DLG2: variants seen among roughly 807,000 people sequenced by gnomAD.
DLG2 encodes disks large homolog 2.
Under a neutral mutation model 132.5 loss-of-function variants are expected in DLG2, and 45 were observed. The ratio of observed to expected loss-of-function variants is 0.34; its 90% CI spans 0.27 to 0.44. The LOEUF is 0.44. Ranked by LOEUF, DLG2 falls within the 20% of genes least tolerant of loss-of-function variation. The pLI, the probability that DLG2 is intolerant of heterozygous loss-of-function variation, is 1.00. For missense variants in DLG2, 1,045 were observed against 1,196.9 expected, an observed-to-expected ratio of 0.87 and a Z score of 1.87; for synonymous variants, 424 against 419.6, an observed-to-expected ratio of 1.01 and a Z score of -0.13.
intron 3 of DLG2, among the ~76,000 whole-genome samples, chr11:85,377,926 T>C (rs1483663950): frequency 6.6e-6 from 1 of 151,076 alleles, no homozygotes; most frequent in Non-Finnish European, 1.5e-5. Flanking sequence ...CATATTTCAA[T>C]TCCTCCTTTT....
intron 8 of DLG2, among the ~76,000 whole-genome samples, chr11:84,186,724 T>A (rs2096284122): frequency 6.6e-6 from 1 of 151,978 alleles, no homozygotes; most frequent in Non-Finnish European, 1.5e-5. Context: ...ATAATCAGAA[T>A]GAATGAGAAT....
At chr11:85,259,955 G>A (rs538239038) in intron 4 of DLG2, among the ~76,000 whole-genome samples, 3 of 152,172 alleles carry the variant, frequency 2.0e-5, no homozygotes, top group African/African-American at 7.2e-5. Flanking sequence ...ATAAATGAAT[G>A]AGTAAATGAA....
chr11:83,791,399 C>T (rs1386729223), intron 17 of DLG2: 6 of 673,706 alleles, frequency 8.9e-6, no homozygotes, highest in African/African-American at 1.9e-5. Context: ...CCACCTTTTT[C>T]GTCTTTCCTG....
intron 3 of DLG2, among the ~76,000 whole-genome samples, chr11:85,377,801 A>ATGTG (rs1177394608): frequency 1.8e-3 from 175 of 95,870 alleles, no homozygotes; most frequent in African/African-American, 6.0e-3. Context: ...ATATATATAT[A>ATGTG]TATGTGTGTG....
Position 85,055,228 on chromosome 11 carries a change from G to A in DLG2, c.357+56433C>T, listed in dbSNP as rs539332377. On this transcript the variant is annotated intron_variant, in intron 6 of 27. Transcript: ENST00000376104. The stretch of plus-strand genomic sequence containing the variant: ...GAATACAGATTTTTAAAATTAATGA[G>A]AGAAGAACAAACCAGACAAAGAGAG... Among the ~76,000 whole-genome samples the A allele has an allele frequency of 9.2e-5, 14 of 152,230 alleles. No individual in the cohort carries two copies. In the South Asian group the frequency reaches 2.9e-3, roughly 32 times the overall value.
At chr11:83,699,522 C>T (rs1166876874) in intron 18 of DLG2, among the ~76,000 whole-genome samples, 1 of 150,468 alleles carries the variant, frequency 6.6e-6, no homozygotes, top group African/African-American at 2.4e-5. Flanking sequence ...CAGTGAAGCC[C>T]CGTCTCTACT....
At chr11:85,122,784 T>C (rs2074479224) in intron 5 of DLG2, among the ~76,000 whole-genome samples, 1 of 150,888 alleles carries the variant, frequency 6.6e-6, no homozygotes. Flanking sequence ...CCCTGAAGGA[T>C]TATAACGAGA....
At position 84,101,578 on chromosome 11, in the gene DLG2, G is replaced by A. The variant is rs1227571492; in HGVS notation, c.625-2531C>T. On this transcript the variant is annotated intron_variant, in intron 9 of 27. Coordinates refer to ENST00000376104, the MANE Select transcript of DLG2 (RefSeq NM_001142699.3). Reference sequence around the variant, plus strand: ...GCATCTAGTGATCAGTATATTTCACGTACTGTATAACCTCAACTGCATTGT... The same window carrying A: ...GCATCTAGTGATCAGTATATTTCACATACTGTATAACCTCAACTGCATTGT... Among the ~76,000 whole-genome samples, 16 of 152,144 alleles carry A rather than the reference G, an allele frequency of 1.1e-4. No individual in the cohort carries two copies. The East Asian group carries it at 2.7e-3, about 26-fold the overall frequency.
intron 6 of DLG2, among the ~76,000 whole-genome samples, chr11:84,944,948 T>C (rs1052119451): frequency 2.6e-5 from 4 of 152,244 alleles, no homozygotes; most frequent in Non-Finnish European, 4.4e-5. Flanking sequence ...TTGTGTTCTT[T>C]TGAGTTTCAC....
At chr11:84,558,642 A>G (rs1326463615) in intron 6 of DLG2, among the ~76,000 whole-genome samples, 2 of 151,864 alleles carry the variant, frequency 1.3e-5, no homozygotes, top group Non-Finnish European at 2.9e-5. Context: ...CTTTCTTTAT[A>G]CTTCAAATAC....
chr11:85,240,492 T>C (rs115366817), intron 4 of DLG2, among the ~76,000 whole-genome samples: 118 of 151,960 alleles, frequency 7.8e-4, no homozygotes, highest in African/African-American at 2.7e-3. Context: ...AATCATTCTC[T>C]ACCTCCAATG....
At chr11:84,218,203 G>GAAGGAAGGAAGGAAAGA (rs1286079426) in intron 8 of DLG2, among the ~76,000 whole-genome samples, 2 of 148,152 alleles carry the variant, frequency 1.3e-5, no homozygotes, top group African/African-American at 5.0e-5. Flanking sequence ...AGAAGGAAAG[G>GAAGGAAGGAAGGAAAGA]AAGGAAGGAA....
At chr11:84,051,417 A>T (rs929393061) in intron 11 of DLG2, among the ~76,000 whole-genome samples, 9 of 151,962 alleles carry the variant, frequency 5.9e-5, no homozygotes, top group African/African-American at 2.2e-4. Context: ...AATATGGCAC[A>T]CATACACCAT....
At chr11:84,657,850 C>A (rs142183543) in intron 6 of DLG2, among the ~76,000 whole-genome samples, 1 of 152,190 alleles carries the variant, frequency 6.6e-6, no homozygotes, top group African/African-American at 2.4e-5. Context: ...TATTGTCTAG[C>A]ATTGCAGCAA....
intron 7 of DLG2, among the ~76,000 whole-genome samples, chr11:84,378,609 T>C (rs2098738240): frequency 6.6e-6 from 1 of 151,800 alleles, no homozygotes; most frequent in Admixed American, 6.6e-5. Context: ...GAACTCAAAT[T>C]CACACTGTGT....
At chr11:83,893,192 C>T (rs910845545) in intron 15 of DLG2, among the ~76,000 whole-genome samples, 2 of 152,192 alleles carry the variant, frequency 1.3e-5, no homozygotes, top group African/African-American at 4.8e-5. Context: ...AAACAGCGTC[C>T]CAACTGATTT....
chr11:83,472,707 A>G lies in DLG2; in HGVS notation c.2344+20T>C, dbSNP rs2092209567. The G allele has an allele frequency of 6.2e-7, 1 of 1,608,642 alleles. No homozygotes were observed. Among genetic ancestry groups the G allele is most frequent in the East Asian group, 2.2e-5 (1 of 44,796 alleles). Reference sequence around the variant, plus strand: ...CTTATGGCCCAGAAATTAGGAATGAAAGCGTGCTGGGAAACTTACTTTCCT... The same window carrying G: ...CTTATGGCCCAGAAATTAGGAATGAGAGCGTGCTGGGAAACTTACTTTCCT... On this transcript the variant is annotated intron_variant, in intron 23 of 27. Coordinates refer to ENST00000376104, the MANE Select transcript of DLG2 (RefSeq NM_001142699.3).
intron 15 of DLG2, among the ~76,000 whole-genome samples, chr11:83,918,685 G>T (rs937057547): frequency 6.6e-6 from 1 of 152,162 alleles, no homozygotes; most frequent in Non-Finnish European, 1.5e-5. Flanking sequence ...TGCTGTGGAA[G>T]ATAGAAAGTG....
In DLG2 at chr11:85,593,266, C is replaced by A. The variant is rs1334850490; in HGVS notation, c.40+5391G>T. Among the ~76,000 whole-genome samples the A allele has an allele frequency of 2.0e-5, 3 of 152,154 alleles. No homozygotes were observed. In the South Asian group the frequency reaches 6.2e-4, roughly 32 times the overall value. On this transcript the variant is annotated intron_variant, in intron 3 of 27. Transcript: ENST00000376104. ...CCCAAGTTTAGTAATAATATTCACACACTGTTAATATATTACTTTCCCTGA... is the reference window on the plus strand; with the variant it reads ...CCCAAGTTTAGTAATAATATTCACAAACTGTTAATATATTACTTTCCCTGA...
Sources: gnomAD v4.1 joint callset for allele counts (sites outside exome capture counted in the v4.1 genomes callset) on GRCh38, gnomAD v4.1.1 for gene constraint, MANE v1.5 for transcripts, NCBI Gene and HGNC (gene_info 2026-07-23, HGNC 2026-07-21) for gene names.